Variants in SAP30BP observed in about 807,000 individuals in gnomAD.
SAP30BP encodes the protein SAP30 binding protein.
SAP30BP carries 31 observed loss-of-function variants against 46.3 expected under a neutral mutation model. The observed-to-expected ratio is 0.67, with a 90% CI of 0.50 to 0.90. The LOEUF is 0.90. SAP30BP is among the 40% of genes least tolerant of loss of function. SAP30BP has a pLI of 0.00. For missense variants in SAP30BP, 312 were observed against 391.0 expected, an observed-to-expected ratio of 0.80 and a Z score of 1.70; for synonymous variants, 169 against 144.2, an observed-to-expected ratio of 1.17 and a Z score of -1.23.
intron 8 of SAP30BP, among the ~76,000 whole-genome samples, 175 bp downstream of exon 8, chr17:75,704,034 T>C (rs941064491): frequency 3.0e-5 from 4 of 134,090 alleles, no homozygotes; most frequent in Non-Finnish European, 5.2e-5. Context: ...TTAAGAGGCT[T>C]ATGCCACAGC....
chr17:75,687,784 C>T (rs1414688183), intron 3 of SAP30BP, among the ~76,000 whole-genome samples: 1 of 151,862 alleles, frequency 6.6e-6, no homozygotes, highest in East Asian at 1.9e-4. Flanking sequence ...GCCTGTCCGT[C>T]TGACATTTCT....
At chr17:75,692,519 G>A in intron 3 of SAP30BP, 1 of 985,446 alleles carries the variant, frequency 1.0e-6, no homozygotes, top group Non-Finnish European at 1.2e-6. Context: ...CCAGAAATGG[G>A]GGAAACAGGT....
intron 5 of SAP30BP, 62 bp from the exon 6 acceptor site, chr17:75,702,417 TG>T: frequency 1.5e-6 from 1 of 684,542 alleles, no homozygotes; most frequent in Non-Finnish European, 2.6e-6. Context: ...GACCAGGGGC[TG>T]GGACGGTGGA....
chr17:75,695,975 C>T lies in SAP30BP; in HGVS notation c.307+2493C>T, dbSNP rs545282925. ...CACCGTCCCCTGGGGCCCCCCAGCT[C>T]GCTCACTCCCTGCCATCCCATAAGC... On this transcript the variant is annotated intron_variant, in intron 4 of 10. Transcript: ENST00000584667. 2.6e-5 allele frequency among the ~76,000 whole-genome samples: 4 copies of T among 152,278 alleles called. No individual in the cohort carries two copies. The South Asian group carries it at 6.2e-4, about 24-fold the overall frequency.
In SAP30BP at chr17:75,693,504, G is replaced by A. The variant is rs781698447; in HGVS notation, c.307+22G>A. ...GTGGGTGAGTATTGGGGGATCCTGG[G>A]GGCACGTTTCTCAGCCTTGCTCCTA... On this transcript the variant is annotated intron_variant, in intron 4 of 10. Coordinates refer to ENST00000584667, the MANE Select transcript of SAP30BP (RefSeq NM_013260.8). The A allele has an allele frequency of 3.1e-6, 5 of 1,612,284 alleles. No individual in the cohort carries two copies. In the African/African-American group the frequency reaches 6.7e-5, roughly 22 times the overall value.
At chr17:75,674,402 C>A (rs951806757) in intron 3 of SAP30BP, among the ~76,000 whole-genome samples, 2 of 152,066 alleles carry the variant, frequency 1.3e-5, no homozygotes, top group Non-Finnish European at 2.9e-5. Flanking sequence ...TCAAGCGATT[C>A]TCCTGTCTCA....
At chr17:75,690,413 G>C (rs2060224547) in intron 3 of SAP30BP, among the ~76,000 whole-genome samples, 1 of 152,158 alleles carries the variant, frequency 6.6e-6, no homozygotes, top group South Asian at 2.1e-4. Context: ...GGGTATTTCA[G>C]GGTCTCCCTG....
chr17:75,677,613 T>A (rs1402668213), intron 3 of SAP30BP, among the ~76,000 whole-genome samples: 2 of 149,446 alleles, frequency 1.3e-5, no homozygotes, highest in African/African-American at 4.9e-5. Flanking sequence ...TGTATTTTTT[T>A]TTTTTTTTTT....
At chr17:75,697,233 G>A (rs2060336405) in intron 4 of SAP30BP, among the ~76,000 whole-genome samples, 1 of 152,212 alleles carries the variant, frequency 6.6e-6, no homozygotes, top group Admixed American at 6.5e-5. Flanking sequence ...CTCCAGCCCA[G>A]GGAAGAAGTT....
chr17:75,699,474 G>T (rs1302000795), intron 4 of SAP30BP, among the ~76,000 whole-genome samples: 3 of 150,152 alleles, frequency 2.0e-5, no homozygotes, highest in Admixed American at 1.3e-4. Context: ...GTATAGGCGT[G>T]AGCCACCGCA....
intron 3 of SAP30BP, among the ~76,000 whole-genome samples, chr17:75,678,441 G>A (rs1393791958): frequency 1.4e-5 from 2 of 146,040 alleles, no homozygotes; most frequent in Non-Finnish European, 3.0e-5. Context: ...AGTCTGACAC[G>A]TTCAACACAG....
intron 3 of SAP30BP, chr17:75,691,576 A>T: frequency 2.3e-6 from 1 of 438,410 alleles, no homozygotes; most frequent in South Asian, 1.6e-5. Flanking sequence ...TTTGGTGACT[A>T]ACTTCCTGTG....
chr17:75,705,742 C>A, intron 9 of SAP30BP: 2 of 926,534 alleles, frequency 2.2e-6, no homozygotes, highest in Non-Finnish European at 2.9e-6. Context: ...TGAGGTGGGG[C>A]GGTGGGCGGG....
In SAP30BP at chr17:75,667,470, G is replaced by C; in HGVS notation, c.98G>C (p.Ser33Thr). 6.2e-7 allele frequency: 1 copy of C among 1,614,098 alleles called. No individual in the cohort carries two copies. Among genetic ancestry groups the C allele is most frequent in the Non-Finnish European group, 8.5e-7 (1 of 1,180,020 alleles). ...DGEAGIEAVG[S>T]AAEEKGGLVS... ...GAGGCTGGAATCGAGGCGGTGGGCA[G>C]CGCGGCTGGTAAGGCCCAAGTGCGA... Residue 33 changes from serine to threonine, a missense_variant, in exon 1 of 11, where the codon AGC (serine) becomes ACC (threonine). Ser to Thr is a moderately conservative substitution (Grantham distance 58, BLOSUM62 1). This residue lies in a region of SAP30BP where 296 missense variants were observed against 346.6 expected (regional missense o/e 0.85). Coordinates refer to ENST00000584667, the MANE Select transcript of SAP30BP (RefSeq NM_013260.8).
At chr17:75,674,573 G>A (rs1229077764) in intron 3 of SAP30BP, among the ~76,000 whole-genome samples, 1 of 152,036 alleles carries the variant, frequency 6.6e-6, no homozygotes, top group Non-Finnish European at 1.5e-5. Context: ...TGGGATTACA[G>A]GCATAAGCCA....
At chr17:75,667,612 G>A in intron 1 of SAP30BP, 134 bp downstream of exon 1, 1 of 721,540 alleles carries the variant, frequency 1.4e-6, no homozygotes, top group African/African-American at 1.8e-5. Flanking sequence ...CAGGGTCCGG[G>A]GTGAGATAGA....
chr17:75,703,013 C>A (rs950950071), intron 6 of SAP30BP: 2 of 442,656 alleles, frequency 4.5e-6, no homozygotes, highest in Non-Finnish European at 8.2e-6. Context: ...TAGTGACATA[C>A]AGGGAAAAGA....
At chr17:75,699,920 G>C (rs1377832935) in intron 5 of SAP30BP, 49 bp downstream of exon 5, 2 of 1,368,496 alleles carry the variant, frequency 1.5e-6, no homozygotes, top group Middle Eastern at 1.8e-4. Context: ...GATAGCCTGG[G>C]TTACGTGTTT....
At chr17:75,671,729 G>A (rs2059910443) in intron 2 of SAP30BP, 87 bp from the exon 3 acceptor site, 10 of 989,578 alleles carry the variant, frequency 1.0e-5, no homozygotes, top group African/African-American at 3.2e-5. Context: ...GGGTAAATGG[G>A]CTGTTTGCTC....
Sources: gnomAD v4.1 joint callset for allele counts (sites outside exome capture counted in the v4.1 genomes callset) on GRCh38, gnomAD v4.1.1 for gene constraint, gnomAD v4.1.1 regional missense constraint, MANE v1.5 for transcripts, NCBI Gene and HGNC (gene_info 2026-07-23, HGNC 2026-07-21) for gene names.